PHF20: variants seen among roughly 807,000 people sequenced by gnomAD.
PHF20 encodes glioma-expressed antigen 2.
In PHF20, 23 loss-of-function variants were observed where a neutral mutation model predicts 113.5. The observed-to-expected ratio is 0.20, with a 90% CI of 0.15 to 0.29. PHF20 has a LOEUF of 0.29. Among genes scored for constraint, PHF20 ranks in the 10% least tolerant of loss-of-function variants. PHF20 has a pLI of 1.00. For synonymous variants in PHF20, 434 were observed against 457.3 expected (o/e 0.95, Z 0.65); for missense variants, 943 against 1,219.6 (o/e 0.77, Z 3.38).
chr20:35,894,425 C>T (rs988748623), intron 9 of PHF20, among the ~76,000 whole-genome samples: 6 of 152,156 alleles, frequency 3.9e-5, no homozygotes, highest in African/African-American at 1.4e-4. Context: ...ATTAGACTAG[C>T]TTGCACAGCT....
In PHF20 at chr20:35,947,616, T is replaced by C; in HGVS notation, c.3028T>C (p.Cys1010Arg). 1 of 1,613,580 alleles carries C rather than the reference T, an allele frequency of 6.2e-7. No individual in the cohort carries two copies. The highest frequency in any genetic ancestry group is 8.5e-7 in the Non-Finnish European group (1 of 1,179,698). The change falls in exon 18 of 18, where the codon TGC (cysteine) becomes CGC (arginine). Residue 1010 changes from cysteine (C) to arginine (R), a missense_variant. Transcript: ENST00000374012. ...LGKVQQIALC[C>R]ST ...CAAGGTGCAGCAGATCGCCCTCTGC[T>C]GCTCAACATGAAACTGGGCACCCAA...
intron 1 of PHF20, among the ~76,000 whole-genome samples, chr20:35,788,692 C>T (rs2146842616): frequency 6.6e-6 from 1 of 152,342 alleles, no homozygotes; most frequent in Middle Eastern, 3.4e-3. Flanking sequence ...TTTCTCCTGC[C>T]TCAGCCTCCT....
At chr20:35,803,215 G>A (rs2041815498) in intron 2 of PHF20, among the ~76,000 whole-genome samples, 1 of 148,808 alleles carries the variant, frequency 6.7e-6, no homozygotes, top group Non-Finnish European at 1.5e-5. Flanking sequence ...TCGCGCCACT[G>A]CACTCCAGCC....
rs768757956 is a variant in PHF20 at position 35,949,272 on chromosome 20, C to T, written c.*1645C>T. The T allele has an allele frequency of 3.9e-5, 6 of 152,370 alleles. No homozygotes were observed. Among genetic ancestry groups the T allele is most frequent in the Non-Finnish European group, 7.3e-5 (5 of 68,040 alleles). The allele number at this position is 152,370 out of a possible 1,614,324, so 9.4% of individuals were successfully genotyped here. ...AATGCACAGGCGTGCATGGCATGCACGTTCAGACAGCTGCATTGTAAGAGT... is the reference window on the plus strand; with the variant it reads ...AATGCACAGGCGTGCATGGCATGCATGTTCAGACAGCTGCATTGTAAGAGT... On this transcript the variant is annotated 3_prime_UTR_variant, in exon 18 of 18. Coordinates refer to ENST00000374012, the MANE Select transcript of PHF20 (RefSeq NM_016436.5).
chr20:35,913,166 G>A (rs1021441431), intron 10 of PHF20, 83 bp from the exon 11 acceptor site: 13 of 800,870 alleles, frequency 1.6e-5, no homozygotes, highest in East Asian at 4.8e-5. Context: ...CAGACCCATC[G>A]GACATGCTTG....
rs1331783680 is a variant in PHF20, at chr20:35,947,731, C to T, written c.*104C>T. Reference sequence around the variant, plus strand: ...CTAGCATGCTGAATGCACGTGACACCGACTGACTTCAGGGATCTGGGCCAG... The same window carrying T: ...CTAGCATGCTGAATGCACGTGACACTGACTGACTTCAGGGATCTGGGCCAG... On this transcript the variant is annotated 3_prime_UTR_variant, in exon 18 of 18. Coordinates refer to ENST00000374012, the MANE Select transcript of PHF20 (RefSeq NM_016436.5). 13 of 1,214,132 alleles carry T rather than the reference C, an allele frequency of 1.1e-5. No homozygotes were observed. In the East Asian group the frequency reaches 1.7e-4, roughly 16 times the overall value. 75.2% of individuals were successfully genotyped at this position (1,214,132 alleles called of 1,614,324 possible).
rs1016242416 is a variant in PHF20 at position 35,857,572 on chromosome 20, T to G, written c.341-730T>G. Among the ~76,000 whole-genome samples the G allele has an allele frequency of 3.6e-4, 47 of 130,294 alleles. No homozygotes were observed. In the East Asian group the frequency reaches 8.1e-3, roughly 22 times the overall value. The allele number at this position is 130,294 out of a possible 152,430, so 85.5% of individuals were successfully genotyped here. ...AGCTGAATGATGTTCCTTTTTTTTT[T>G]TTTTTTTTTTTTTTGTTTTTTTTTT... On this transcript the variant is annotated intron_variant, in intron 4 of 17. Transcript: ENST00000374012.
intron 9 of PHF20, among the ~76,000 whole-genome samples, chr20:35,885,038 T>C (rs966367960): frequency 2.0e-5 from 3 of 152,188 alleles, no homozygotes; most frequent in Admixed American, 2.0e-4. Flanking sequence ...TTCACCATGT[T>C]GGTCAAGCTG....
rs985322090 is a variant in PHF20 at position 35,814,888 on chromosome 20, A to T, written c.83+13283A>T. Among the ~76,000 whole-genome samples the T allele has an allele frequency of 8.7e-4, 118 of 136,100 alleles. 1 individual carries two copies. Among genetic ancestry groups the T allele is most frequent in the South Asian group, 2.6e-3 (12 of 4,568 alleles). The allele number at this position is 136,100 out of a possible 152,430, so 89.3% of individuals were successfully genotyped here. A position where few individuals can be genotyped will look rare whatever the true frequency, so the allele number is the denominator to read the frequency against. On this transcript the variant is annotated intron_variant, in intron 2 of 17. Transcript: ENST00000374012. ...ACTCCGTCTCAAAAAAAAAAAAAAAAAATAAAATAAATAAATAAATAAATA... is the reference window on the plus strand; with the variant it reads ...ACTCCGTCTCAAAAAAAAAAAAAAATAATAAAATAAATAAATAAATAAATA...
At chr20:35,929,374 G>T (rs1196460166) in intron 14 of PHF20, among the ~76,000 whole-genome samples, 2 of 152,232 alleles carry the variant, frequency 1.3e-5, no homozygotes, top group African/African-American at 4.8e-5. Context: ...GCCTCCACTT[G>T]TCCCTTTATC....
chr20:35,877,842 A>G (rs2054559715), intron 9 of PHF20, among the ~76,000 whole-genome samples: 1 of 152,240 alleles, frequency 6.6e-6, no homozygotes, highest in South Asian at 2.1e-4. Flanking sequence ...ACTTTGCCAC[A>G]GGATCCAGAT....
In PHF20 at chr20:35,887,250, A is replaced by G. The variant is rs112773025; in HGVS notation, c.1283-12120A>G. ...CTGCTGATCCCCCTCTATATTATCTATTGCTGTGTGACAGTATTACCACAA... is the reference window on the plus strand; with the variant it reads ...CTGCTGATCCCCCTCTATATTATCTGTTGCTGTGTGACAGTATTACCACAA... On this transcript the variant is annotated intron_variant, in intron 9 of 17. Coordinates refer to ENST00000374012, the MANE Select transcript of PHF20 (RefSeq NM_016436.5). Among the ~76,000 whole-genome samples the G allele has an allele frequency of 5.7e-3, 864 of 152,296 alleles. 7 individuals carry two copies. The highest frequency in any genetic ancestry group is 0.019 in the African/African-American group (804 of 41,568).
intron 10 of PHF20, among the ~76,000 whole-genome samples, chr20:35,911,057 T>A (rs1480264946): frequency 2.0e-5 from 3 of 151,568 alleles, no homozygotes; most frequent in Admixed American, 2.0e-4. Context: ...TTTTTATTTT[T>A]TGAGACGGAG....
intron 1 of PHF20, among the ~76,000 whole-genome samples, chr20:35,780,940 G>T (rs186576499): frequency 7.7e-6 from 1 of 130,562 alleles, no homozygotes; most frequent in Admixed American, 8.9e-5. Flanking sequence ...TGCAACCTCC[G>T]CCTCCCGAGT....
At position 35,869,675 on chromosome 20, in the gene PHF20, T is replaced by A; in HGVS notation, c.922+124T>A. On this transcript the variant is annotated intron_variant, in intron 7 of 17. Transcript: ENST00000374012. ...GTTTGTCTCTGGTCACATGAGGTAA[T>A]GTGAGTTGGATGCAGTTGGATCAGA... 10 of 691,528 alleles carry A rather than the reference T, an allele frequency of 1.4e-5. No individual in the cohort carries two copies. In the South Asian group the frequency reaches 1.7e-4, roughly 12 times the overall value. The allele number at this position is 691,528 out of a possible 1,614,324, so 42.8% of individuals were successfully genotyped here.
intron 1 of PHF20, among the ~76,000 whole-genome samples, chr20:35,792,516 C>T (rs927690007): frequency 1.3e-5 from 2 of 150,986 alleles, no homozygotes; most frequent in Admixed American, 6.7e-5. Context: ...CTTGCCTGCC[C>T]TTCCTTCCTT....
At chr20:35,816,944 C>G (rs2042086678) in intron 2 of PHF20, among the ~76,000 whole-genome samples, 2 of 151,096 alleles carry the variant, frequency 1.3e-5, no homozygotes, top group South Asian at 4.2e-4. Context: ...GCGTGCACCA[C>G]TACGCCTGGC....
intron 2 of PHF20, among the ~76,000 whole-genome samples, chr20:35,802,311 G>A (rs1172622701): frequency 6.6e-6 from 1 of 151,922 alleles, no homozygotes; most frequent in Non-Finnish European, 1.5e-5. Context: ...CTCAAGGTGA[G>A]CGTGGGGTTT....
chr20:35,854,047 C>T (rs181232038), intron 4 of PHF20, among the ~76,000 whole-genome samples: 52 of 152,256 alleles, frequency 3.4e-4, no homozygotes, highest in African/African-American at 1.2e-3. Flanking sequence ...AGCCACCATG[C>T]CCGGCCGATG....
Sources: allele counts gnomAD v4.1 joint callset (sites outside exome capture counted in the v4.1 genomes callset), GRCh38; gene constraint gnomAD v4.1.1; transcripts MANE v1.5; gene names NCBI Gene and HGNC (gene_info 2026-07-23, HGNC 2026-07-21).